GNPAT: variants seen among roughly 807,000 people sequenced by gnomAD.
The protein encoded by GNPAT is dihydroxyacetone phosphate acyltransferase.
GNPAT carries 30 observed loss-of-function variants against 78.4 expected under a neutral mutation model. The ratio of observed to expected loss-of-function variants is 0.38; its 90% CI spans 0.29 to 0.52. The LOEUF is 0.52. Among genes scored for constraint, GNPAT ranks in the 20% least tolerant of loss-of-function variants. The probability of loss-of-function intolerance (pLI) is 0.84; values close to 1 mark genes in which losing one functional copy is unlikely to be tolerated. For missense variants in GNPAT, 714 were observed against 812.2 expected (o/e 0.88, Z 1.47); for synonymous variants, 271 against 281.1 (o/e 0.96, Z 0.36).
intron 1 of GNPAT, among the ~76,000 whole-genome samples, chr1:231,247,599 G>A (rs2102798308): frequency 6.6e-6 from 1 of 152,320 alleles, no homozygotes; most frequent in South Asian, 2.1e-4. Context: ...AGGAGCATTT[G>A]TAAATGCCCC....
At chr1:231,260,216 G>C (rs1685185154) in intron 2 of GNPAT, among the ~76,000 whole-genome samples, 1 of 152,164 alleles carries the variant, frequency 6.6e-6, no homozygotes, top group Non-Finnish European at 1.5e-5. Context: ...ACTTATTTTA[G>C]AGTTTGGATA....
chr1:231,265,660 C>G (rs1338073844), intron 5 of GNPAT, 52 bp from the exon 6 acceptor site: 2 of 1,084,842 alleles, frequency 1.8e-6, no homozygotes, highest in African/African-American at 1.5e-5. Context: ...AAGCATTTAT[C>G]ATTTTGAGAG....
Position 231,272,296 on chromosome 1 carries a change from A to G in GNPAT, c.1523-16A>G, listed in dbSNP as rs747659901. On this transcript the variant is annotated splice_polypyrimidine_tract_variant and intron_variant, in intron 10 of 15. Coordinates refer to ENST00000366647, the MANE Select transcript of GNPAT (RefSeq NM_014236.4). Reference sequence around the variant, plus strand: ...AAGGGCAATGTTGTAATTTTACATGATGCATTTATTTCCAGAGGATGTCTA... The same window carrying G: ...AAGGGCAATGTTGTAATTTTACATGGTGCATTTATTTCCAGAGGATGTCTA... 1 of 1,391,116 alleles carries G rather than the reference A, an allele frequency of 7.2e-7. No homozygotes were observed. The highest frequency in any genetic ancestry group is 1.0e-6 in the Non-Finnish European group (1 of 977,510). 86.2% of individuals were successfully genotyped at this position (1,391,116 alleles called of 1,614,324 possible).
intron 9 of GNPAT, among the ~76,000 whole-genome samples, chr1:231,268,989 A>G (rs1685473554): frequency 6.6e-6 from 1 of 151,510 alleles, no homozygotes; most frequent in African/African-American, 2.4e-5. Context: ...TCAAGTACCT[A>G]CTGTTCTTTG....
At chr1:231,257,350 A>G (rs1685094175) in intron 2 of GNPAT, among the ~76,000 whole-genome samples, 1 of 152,054 alleles carries the variant, frequency 6.6e-6, no homozygotes, top group Non-Finnish European at 1.5e-5. Context: ...AGAGTGGGCT[A>G]CATGTGGTGT....
At chr1:231,262,938 A>T in intron 4 of GNPAT, 86 bp downstream of exon 4, 1 of 996,838 alleles carries the variant, frequency 1.0e-6, no homozygotes, top group Non-Finnish European at 1.6e-6. Flanking sequence ...TTTGAAGATG[A>T]TGATGAAAAT....
In GNPAT at chr1:231,273,916, T is replaced by C. The variant is rs1571958651; in HGVS notation, c.1603-6T>C. On this transcript the variant is annotated splice_polypyrimidine_tract_variant and splice_region_variant and intron_variant, in intron 11 of 15. Coordinates refer to ENST00000366647, the MANE Select transcript of GNPAT (RefSeq NM_014236.4). ...ATGAACATTATGGCTTCCTCTTCCC[T>C]TCTAGGACTTTGAAGAAGGCTGTTA... The C allele has an allele frequency of 1.2e-6, 2 of 1,612,178 alleles. No individual in the cohort carries two copies. The highest frequency in any genetic ancestry group is 1.7e-6 in the Non-Finnish European group (2 of 1,178,366).
At chr1:231,269,539 A>AG (rs1233762604) in intron 9 of GNPAT, among the ~76,000 whole-genome samples, 1 of 152,178 alleles carries the variant, frequency 6.6e-6, no homozygotes, top group Admixed American at 6.5e-5. Context: ...CCAAGAGATG[A>AG]GGAGGATTTA....
rs3767756 is a variant in GNPAT, at chr1:231,275,099, A to G, written c.1744-122A>G. 0.025 allele frequency: 17,989 copies of G among 717,592 alleles called. 432 individuals are homozygous for G. Among genetic ancestry groups the G allele is most frequent in the East Asian group, 0.071 (2,622 of 36,962 alleles). The allele number at this position is 717,592 out of a possible 1,614,324, so 44.5% of individuals were successfully genotyped here. On this transcript the variant is annotated intron_variant, in intron 12 of 15. Transcript: ENST00000366647. The stretch of plus-strand genomic sequence containing the variant: ...TGGGCTCATTCCTTGGAGGGTCTTT[A>G]TGCTGCTCTCTTGTGATATATCCTT...
At chr1:231,258,145 C>A (rs1287036020) in intron 2 of GNPAT, 2 of 152,488 alleles carry the variant, frequency 1.3e-5, no homozygotes, top group Non-Finnish European at 2.9e-5. Context: ...CCCTTTCTTC[C>A]TGTCCAGCTG....
chr1:231,246,901 G>A (rs1684765067), intron 1 of GNPAT, among the ~76,000 whole-genome samples: 2 of 152,214 alleles, frequency 1.3e-5, no homozygotes, highest in African/African-American at 4.8e-5. Flanking sequence ...CGGGCGCGTT[G>A]GCTCACGCCT....
At chr1:231,271,579 T>C (rs1202097116) in intron 10 of GNPAT, among the ~76,000 whole-genome samples, 1 of 152,110 alleles carries the variant, frequency 6.6e-6, no homozygotes, top group East Asian at 1.9e-4. Flanking sequence ...GGTGTTTGGT[T>C]TTGGTTTTGG....
chr1:231,256,807 C>T (rs1685082230), intron 2 of GNPAT, among the ~76,000 whole-genome samples: 1 of 152,180 alleles, frequency 6.6e-6, no homozygotes. Flanking sequence ...TTAAATGTCT[C>T]TTCCTGTCTA....
At chr1:231,243,702 C>T (rs1486530963) in intron 1 of GNPAT, among the ~76,000 whole-genome samples, 3 of 152,068 alleles carry the variant, frequency 2.0e-5, no homozygotes, top group Non-Finnish European at 4.4e-5. Flanking sequence ...TACTCCCTTG[C>T]ATATTTGGGG....
intron 12 of GNPAT, among the ~76,000 whole-genome samples, chr1:231,274,281 C>G (rs748376733): frequency 1.3e-5 from 2 of 152,166 alleles, no homozygotes; most frequent in Non-Finnish European, 2.9e-5. Flanking sequence ...CCCAAGAGGA[C>G]AACAGCTTAG....
chr1:231,272,174 CAG>C, intron 10 of GNPAT, 136 bp from the exon 11 acceptor site: 1 of 652,084 alleles, frequency 1.5e-6, no homozygotes, highest in Non-Finnish European at 2.9e-6. Context: ...TAGCTTCCCT[CAG>C]GGGACTTAAT....
At chr1:231,259,242 G>A (rs1323808832) in intron 2 of GNPAT, among the ~76,000 whole-genome samples, 2 of 151,640 alleles carry the variant, frequency 1.3e-5, no homozygotes, top group Non-Finnish European at 2.9e-5. Context: ...GTTTATCCCA[G>A]TTCCTCCCTG....
chr1:231,265,931 G>T, intron 6 of GNPAT, 83 bp from the exon 7 acceptor site: 1 of 1,173,604 alleles, frequency 8.5e-7, no homozygotes, highest in South Asian at 1.2e-5. Context: ...TATAATGTAT[G>T]CTTTTAGTAT....
chr1:231,261,823 C>T (rs912353472), intron 3 of GNPAT, among the ~76,000 whole-genome samples: 1 of 152,190 alleles, frequency 6.6e-6, no homozygotes, highest in East Asian at 1.9e-4. Context: ...AAGCTCTTAA[C>T]TTCACTTGCC....
Sources: allele counts gnomAD v4.1 joint callset (sites outside exome capture counted in the v4.1 genomes callset), GRCh38; gene constraint gnomAD v4.1.1; transcripts MANE v1.5; gene names NCBI Gene and HGNC (gene_info 2026-07-23, HGNC 2026-07-21).